DCDC2: variants seen among roughly 807,000 people sequenced by gnomAD.
DCDC2 encodes the protein doublecortin domain-containing protein 2.
Under a neutral mutation model 50.2 loss-of-function variants are expected in DCDC2, and 40 were observed. The ratio of observed to expected loss-of-function variants is 0.80; its 90% CI spans 0.62 to 1.04. DCDC2 has a LOEUF of 1.04. DCDC2 is among the 50% of genes least tolerant of loss of function. DCDC2 has a pLI of 0.00. For missense variants in DCDC2, 570 were observed against 581.9 expected, an observed-to-expected ratio of 0.98 and a Z score of 0.21; for synonymous variants, 234 against 210.6, an observed-to-expected ratio of 1.11 and a Z score of -0.96.
intron 2 of DCDC2, among the ~76,000 whole-genome samples, chr6:24,303,987 T>C (rs1484365540): frequency 6.6e-6 from 1 of 152,210 alleles, no homozygotes; most frequent in Non-Finnish European, 1.5e-5. Flanking sequence ...CAAGAATGAA[T>C]ATTTTTTCTG....
At chr6:24,333,258 G>C (rs2328819) in intron 2 of DCDC2, among the ~76,000 whole-genome samples, 49,300 of 151,944 alleles carry the variant, frequency 0.32, 9,591 homozygotes, top group African/African-American at 0.55. Context: ...TTCCATCCAG[G>C]TTCCCAGAGA....
intron 6 of DCDC2, among the ~76,000 whole-genome samples, chr6:24,283,644 C>T (rs1763529710): frequency 6.6e-6 from 1 of 152,126 alleles, no homozygotes; most frequent in Non-Finnish European, 1.5e-5. Context: ...CCACACAGTC[C>T]CCTTCACTCA....
chr6:24,361,051 A>T (rs142307433), upstream of DCDC2, among the ~76,000 whole-genome samples: 4 of 152,306 alleles, frequency 2.6e-5, no homozygotes, highest in South Asian at 2.1e-4. Flanking sequence ...AATGTGTGGG[A>T]CATTGCAATC....
rs77081397 is a variant in DCDC2 at position 24,277,825 on chromosome 6, C to A, written c.922+224G>T. Among the ~76,000 whole-genome samples, 1,245 of 152,240 alleles carry A rather than the reference C, an allele frequency of 8.2e-3. 9 individuals carry two copies. The highest frequency in any genetic ancestry group is 0.014 in the African/African-American group (600 of 41,548). ...ACATACTTTTAAAATAAGACTACCA[C>A]AAAATATATTTGATCTCAAAATAAG... is the stretch of plus-strand genomic sequence containing the variant. On this transcript the variant is annotated intron_variant, in intron 7 of 9. Transcript: ENST00000378454.
the DCDC2 span, among the ~76,000 whole-genome samples, chr6:24,373,821 A>G: frequency 6.6e-6 from 1 of 152,204 alleles, no homozygotes; most frequent in South Asian, 2.1e-4. Flanking sequence ...GAAGATGAAT[A>G]AGCTAATTCT....
upstream of DCDC2, among the ~76,000 whole-genome samples, chr6:24,360,570 G>A (rs1760649531): frequency 6.6e-6 from 1 of 152,136 alleles, no homozygotes; most frequent in African/African-American, 2.4e-5. Flanking sequence ...AATAGTAACA[G>A]CCCCAGTAAA....
chr6:24,336,881 G>A (rs1760065888), intron 2 of DCDC2, among the ~76,000 whole-genome samples: 1 of 152,048 alleles, frequency 6.6e-6, no homozygotes, highest in South Asian at 2.1e-4. Flanking sequence ...ACAGTGCTAG[G>A]AGCTAAACAC....
Position 24,278,228 on chromosome 6 carries a change from T to C in DCDC2, c.760-17A>G. ...ATCATTTCCCTAAATGGCAAAGTATTAGACCCTTATTATTAGCTAATGAAC... is the reference window on the plus strand; with the variant it reads ...ATCATTTCCCTAAATGGCAAAGTATCAGACCCTTATTATTAGCTAATGAAC... On this transcript the variant is annotated splice_polypyrimidine_tract_variant and intron_variant, in intron 6 of 9. Transcript: ENST00000378454. The C allele has an allele frequency of 6.3e-7, 1 of 1,586,860 alleles. No homozygotes were observed.
At position 24,174,330 on chromosome 6, in the gene DCDC2, A is replaced by C. The variant is rs1760851762; in HGVS notation, c.*400T>G. On this transcript the variant is annotated 3_prime_UTR_variant, in exon 10 of 10. Transcript: ENST00000378454. ...GTTTATTGCTTTAAGAAAATAGTAC[A>C]TGCTTTCCTATTACCAGTTCTTTAA... 6.5e-6 allele frequency: 1 copy of C among 154,346 alleles called. No homozygotes were observed. Among genetic ancestry groups the C allele is most frequent in the African/African-American group, 2.4e-5 (1 of 41,520 alleles). 9.6% of individuals were successfully genotyped at this position (154,346 alleles called of 1,614,324 possible).
intron 7 of DCDC2, among the ~76,000 whole-genome samples, chr6:24,208,927 A>G (rs1194860767): frequency 6.6e-6 from 1 of 152,254 alleles, no homozygotes; most frequent in Admixed American, 6.5e-5. Context: ...TATTTGTAAT[A>G]CAATCTGTAT....
At position 24,171,865 on chromosome 6, in the gene DCDC2, G is replaced by C. The variant is rs1760786962; in HGVS notation, c.*2865C>G. 1 of 152,148 alleles carries C rather than the reference G, an allele frequency of 6.6e-6. No individual in the cohort carries two copies. The allele number at this position is 152,148 out of a possible 1,614,324, so 9.4% of individuals were successfully genotyped here. ...TTAAAATCCAGATAAGTTTAACAAA[G>C]TGGTTTCATAAAACTATAAAAACTA... On this transcript the variant is annotated 3_prime_UTR_variant, in exon 10 of 10. Transcript: ENST00000378454.
At chr6:24,230,659 A>G (rs1334947741) in intron 7 of DCDC2, among the ~76,000 whole-genome samples, 1 of 152,142 alleles carries the variant, frequency 6.6e-6, no homozygotes, top group African/African-American at 2.4e-5. Flanking sequence ...AAAACAAAAC[A>G]AAACATAACA....
chr6:24,175,988 G>T (rs186786694), intron 9 of DCDC2, among the ~76,000 whole-genome samples: 38 of 152,262 alleles, frequency 2.5e-4, no homozygotes, highest in Non-Finnish European at 5.4e-4. Flanking sequence ...GTGAGTAACT[G>T]CTCTGTTACT....
At chr6:24,284,538 G>C (rs1333932463) in intron 6 of DCDC2, among the ~76,000 whole-genome samples, 1 of 151,494 alleles carries the variant, frequency 6.6e-6, no homozygotes, top group Non-Finnish European at 1.5e-5. Context: ...TTGAACCCGT[G>C]GGGCAGAGGT....
the DCDC2 span, among the ~76,000 whole-genome samples, chr6:24,366,273 T>A: frequency 1.3e-5 from 2 of 152,240 alleles, no homozygotes; most frequent in African/African-American, 4.8e-5. Flanking sequence ...AAACCATAGT[T>A]GTTTATCTTC....
At chr6:24,266,610 T>C (rs756438055) in intron 7 of DCDC2, among the ~76,000 whole-genome samples, 1 of 152,084 alleles carries the variant, frequency 6.6e-6, no homozygotes, top group African/African-American at 2.4e-5. Context: ...AAATGAACAC[T>C]ACAATTGAGA....
chr6:24,208,399 C>G (rs3897460), intron 7 of DCDC2, among the ~76,000 whole-genome samples: 1 of 114,380 alleles, frequency 8.7e-6, no homozygotes. Flanking sequence ...GAGATGGAGT[C>G]TCACTCTGTT....
chr6:24,184,935 T>C (rs1489320369), intron 8 of DCDC2, among the ~76,000 whole-genome samples: 4 of 152,222 alleles, frequency 2.6e-5, no homozygotes, highest in Non-Finnish European at 5.9e-5. Flanking sequence ...CTGTAACTTT[T>C]TAGGATTCTG....
chr6:24,336,234 G>A (rs1038406577), intron 2 of DCDC2, among the ~76,000 whole-genome samples: 2 of 152,104 alleles, frequency 1.3e-5, no homozygotes, highest in South Asian at 2.1e-4. Context: ...TTCTCTCAAC[G>A]TAGTTCTCCA....
Sources: gnomAD v4.1 joint callset for allele counts (sites outside exome capture counted in the v4.1 genomes callset) on GRCh38, gnomAD v4.1.1 for gene constraint, MANE v1.5 for transcripts, NCBI Gene and HGNC (gene_info 2026-07-23, HGNC 2026-07-21) for gene names.